OAS3: variants seen among roughly 807,000 people sequenced by gnomAD.
The protein encoded by OAS3 is 2'-5'-oligoadenylate synthetase 3.
A neutral mutation model predicts 113.0 loss-of-function variants in OAS3; 107 were observed. That is an observed-to-expected ratio of 0.95 (90% CI 0.81 to 1.11). The LOEUF (loss-of-function observed/expected upper bound fraction) is 1.11, where lower values mean the gene tolerates loss of function less well. Ranked by LOEUF, OAS3 falls within the 50% of genes most tolerant of loss-of-function variation. The pLI is 0.00. For synonymous variants in OAS3, 552 were observed against 573.6 expected (o/e 0.96, Z 0.54); for missense variants, 1,258 against 1,389.1 (o/e 0.91, Z 1.50).
rs2043682901 is a variant in OAS3 at position 112,941,806 on chromosome 12, T to C, written c.414T>C (p.Leu138=). The change falls in exon 2 of 16, where the codon CTT becomes CTC. Residue 138 remains leucine, a synonymous_variant. Coordinates refer to ENST00000228928, the MANE Select transcript of OAS3 (RefSeq NM_006187.4). ...ALQFRLTSVD[L]EDWMDVSLVP... The stretch of plus-strand genomic sequence containing the variant: ...AGTTCCGCCTGACATCCGTAGATCT[T>C]GAGGACTGGATGGATGTTAGCCTGG... The C allele has an allele frequency of 6.2e-7, 1 of 1,614,030 alleles. No homozygotes were observed. The highest frequency in any genetic ancestry group is 8.5e-7 in the Non-Finnish European group (1 of 1,179,892).
chr12:112,967,191 A>G (rs1358617488), intron 12 of OAS3, among the ~76,000 whole-genome samples: 4 of 152,178 alleles, frequency 2.6e-5, no homozygotes, highest in Non-Finnish European at 2.9e-5. Context: ...AGGTAAGCAG[A>G]TGGTTTGAAA....
chr12:112,949,620 T>C (rs2043770484), intron 6 of OAS3, among the ~76,000 whole-genome samples: 1 of 152,198 alleles, frequency 6.6e-6, no homozygotes, highest in Non-Finnish European at 1.5e-5. Flanking sequence ...ATGAGAATTC[T>C]CTTCCCCAAC....
At chr12:112,949,232 G>GA (rs1565976717) in intron 6 of OAS3, 27 bp downstream of exon 6, 1 of 1,589,264 alleles carries the variant, frequency 6.3e-7, no homozygotes, top group Non-Finnish European at 8.6e-7. Flanking sequence ...GAGACACAGG[G>GA]GGGACCCTAT....
intron 2 of OAS3, 108 bp downstream of exon 2, chr12:112,941,960 G>C (rs1181269460): frequency 7.3e-7 from 1 of 1,367,344 alleles, no homozygotes; most frequent in African/African-American, 1.4e-5. Context: ...ACCTGGGCCA[G>C]CCTCTACCCC....
Position 112,944,541 on chromosome 12 carries a change from C to A in OAS3, c.526C>A (p.Gln176Lys). The part of the protein sequence containing the change: ...VYSTLLNSGC[Q>K]GGEHAACFTE... Reference sequence around the variant, plus strand: ...CTCTACCCTCCTCAACAGTGGCTGCCAAGGGGGCGAGCATGCGGCCTGCTT... The same window carrying A: ...CTCTACCCTCCTCAACAGTGGCTGCAAAGGGGGCGAGCATGCGGCCTGCTT... Residue 176 changes from glutamine (Q) to lysine (K), a missense_variant, in exon 3 of 16, where the codon CAA (glutamine) becomes AAA (lysine). By Grantham distance (53) the Gln-to-Lys change is moderately conservative. Transcript: ENST00000228928. The A allele has an allele frequency of 6.2e-7, 1 of 1,614,074 alleles. No homozygotes were observed. The highest frequency in any genetic ancestry group is 8.5e-7 in the Non-Finnish European group (1 of 1,179,900).
intron 13 of OAS3, 79 bp downstream of exon 13, chr12:112,967,672 C>T: frequency 1.3e-6 from 2 of 1,482,166 alleles, no homozygotes; most frequent in South Asian, 1.3e-5. Flanking sequence ...GGAAGCAGGG[C>T]CCAGCCCTGG....
At chr12:112,942,724 T>A (rs7980275) in intron 2 of OAS3, among the ~76,000 whole-genome samples, 105,476 of 150,232 alleles carry the variant, frequency 0.7, 37,477 homozygotes, top group African/African-American at 0.79. Context: ...AAAAAAGAAA[T>A]AAGAATGTCT....
At chr12:112,964,592 T>C (rs184639545) in intron 11 of OAS3, among the ~76,000 whole-genome samples, 184 bp downstream of exon 11, 209 of 151,938 alleles carry the variant, frequency 1.4e-3, no homozygotes, top group Non-Finnish European at 2.4e-3. Context: ...CCAACAAGTC[T>C]CTTTTGGTTG....
intron 14 of OAS3, 172 bp from the exon 15 acceptor site, chr12:112,969,436 T>C (rs1402034873): frequency 2.9e-6 from 2 of 697,376 alleles, no homozygotes; most frequent in Non-Finnish European, 4.8e-6. Context: ...TGGCCATGTG[T>C]GTCTTATTTT....
At position 112,948,919 on chromosome 12, in the gene OAS3, A is replaced by G. The variant is rs2043760468; in HGVS notation, c.1088A>G (p.Gln363Arg). The change falls in exon 6 of 16, where the codon CAG (glutamine) becomes CGG (arginine). Residue 363 changes from glutamine to arginine, a missense_variant. By Grantham distance (43) the Gln-to-Arg change is conservative. Coordinates refer to ENST00000228928, the MANE Select transcript of OAS3 (RefSeq NM_006187.4). ...CACCCCATCCAGCTAGACCCTAACCAGAAGACCCCTGAAAACAGCAAGAGC... is the reference window on the plus strand; with the variant it reads ...CACCCCATCCAGCTAGACCCTAACCGGAAGACCCCTGAAAACAGCAAGAGC... Reference protein sequence around the residue: ...LGHPIQLDPNQKTPENSKSLN... With the variant: ...LGHPIQLDPNRKTPENSKSLN... The G allele has an allele frequency of 2.5e-6, 4 of 1,609,454 alleles. No individual in the cohort carries two copies. The highest frequency in any genetic ancestry group is 3.4e-6 in the Non-Finnish European group (4 of 1,177,894).
rs748614168 is a variant in OAS3, at chr12:112,948,020, C to A, written c.950C>A (p.Ala317Asp). The change falls in exon 5 of 16, where the codon GCC becomes GAC. Residue 317 changes from alanine (A) to aspartate (D), a missense_variant. Coordinates refer to ENST00000228928, the MANE Select transcript of OAS3 (RefSeq NM_006187.4). ...NGAAWHWDLL[A>D]QEAASCYDHP... ...GCAGCCTGGCACTGGGATTTGCTAG[C>A]CCAGGAGGCAGCATCCTGCTATGAC... 3.1e-6 allele frequency: 5 copies of A among 1,601,306 alleles called. No homozygotes were observed. In the African/African-American group the frequency reaches 6.7e-5, roughly 22 times the overall value.
At chr12:112,939,372 T>G (rs980518006) in intron 1 of OAS3, among the ~76,000 whole-genome samples, 1 of 136,428 alleles carries the variant, frequency 7.3e-6, no homozygotes, top group African/African-American at 2.7e-5. Context: ...CAGGCTGGAG[T>G]GCAGTAGCAT....
At chr12:112,969,821 G>A in intron 15 of OAS3, 66 bp downstream of exon 15, 3 of 1,598,636 alleles carry the variant, frequency 1.9e-6, no homozygotes, top group Non-Finnish European at 2.6e-6. Flanking sequence ...GTCAGGGGAG[G>A]GACATGATTC....
chr12:112,969,793 G>A, intron 15 of OAS3, 38 bp downstream of exon 15: 1 of 1,607,464 alleles, frequency 6.2e-7, no homozygotes, highest in East Asian at 2.2e-5. Flanking sequence ...TACCCTTTAG[G>A]GGTAAGGGGG....
chr12:112,962,852 T>C lies in OAS3; in HGVS notation c.2034T>C (p.Thr678=). The change falls in exon 9 of 16, where the codon ACT becomes ACC. Residue 678 remains threonine, a synonymous_variant. Coordinates refer to ENST00000228928, the MANE Select transcript of OAS3 (RefSeq NM_006187.4). ...TCTACTGGACGGTCAACTATAGCAC[T>C]GAGGACCCAGCCATGAGAATGCACC... The part of the protein sequence containing the change: ...LCVYWTVNYS[T]EDPAMRMHLL... 6.2e-7 allele frequency: 1 copy of C among 1,613,962 alleles called. No homozygotes were observed. Among genetic ancestry groups the C allele is most frequent in the East Asian group, 2.2e-5 (1 of 44,876 alleles).
At position 112,969,649 on chromosome 12, in the gene OAS3, G is replaced by A. The variant is rs2043966105; in HGVS notation, c.3146G>A (p.Gly1049Asp). 6.2e-7 allele frequency: 1 copy of A among 1,607,412 alleles called. No individual in the cohort carries two copies. Among genetic ancestry groups the A allele is most frequent in the Non-Finnish European group, 8.5e-7 (1 of 1,176,974 alleles). Reference protein sequence around the residue: ...LDPADPTGNLGHNARWDLLAK... With the variant: ...LDPADPTGNLDHNARWDLLAK... The stretch of plus-strand genomic sequence containing the variant: ...CCGGCTGACCCGACAGGCAACCTGG[G>A]CCACAATGCCCGCTGGGACCTGCTG... The change falls in exon 15 of 16, where the codon GGC becomes GAC. Residue 1049 changes from glycine to aspartate, a missense_variant. Physicochemically the swap from Gly to Asp is moderately conservative, Grantham distance 94 (BLOSUM62 -1). Coordinates refer to ENST00000228928, the MANE Select transcript of OAS3 (RefSeq NM_006187.4).
chr12:112,962,139 C>T (rs12827131), intron 8 of OAS3, among the ~76,000 whole-genome samples: 74 of 152,298 alleles, frequency 4.9e-4, no homozygotes, highest in Non-Finnish European at 9.9e-4. Context: ...GAACATCCTT[C>T]GGAGCTCCCT....
rs754477901 is a variant in OAS3 at position 112,950,796 on chromosome 12, G to A, written c.1478G>A (p.Arg493His). 38 of 1,613,902 alleles carry A rather than the reference G, an allele frequency of 2.4e-5. No homozygotes were observed. In the East Asian group the frequency reaches 4.2e-4, roughly 18 times the overall value. ...FTDYKDQGPR[R>H]AEILDEMRAQ... ...GACTACAAGGACCAGGGGCCCCGCCGCGCAGAGATCCTTGATGAGATGCGA... is the reference window on the plus strand; with the variant it reads ...GACTACAAGGACCAGGGGCCCCGCCACGCAGAGATCCTTGATGAGATGCGA... The change falls in exon 7 of 16, where the codon CGC (arginine) becomes CAC (histidine). Residue 493 changes from arginine (R) to histidine (H), a missense_variant. Physicochemically the swap from Arg to His is conservative, Grantham distance 29 (BLOSUM62 0). Transcript: ENST00000228928.
chr12:112,967,067 C>A (rs1448632067), intron 12 of OAS3, among the ~76,000 whole-genome samples: 7 of 152,174 alleles, frequency 4.6e-5, no homozygotes, highest in Non-Finnish European at 1.0e-4. Context: ...GCTCTGTTAC[C>A]TGCAGGAGGA....
Sources: gnomAD v4.1 joint callset for allele counts (sites outside exome capture counted in the v4.1 genomes callset) on GRCh38, gnomAD v4.1.1 for gene constraint, MANE v1.5 for transcripts, NCBI Gene and HGNC (gene_info 2026-07-23, HGNC 2026-07-21) for gene names.